YTHDC2: variants seen among roughly 807,000 people sequenced by gnomAD.
YTHDC2 encodes 3'-5' RNA helicase YTHDC2.
Under a neutral mutation model 174.9 loss-of-function variants are expected in YTHDC2, and 45 were observed. The ratio of observed to expected loss-of-function variants is 0.26; its 90% CI spans 0.20 to 0.33. The LOEUF is 0.33. YTHDC2 is among the 10% of genes least tolerant of loss of function. YTHDC2 has a pLI of 1.00. For missense variants in YTHDC2, 1,650 were observed against 1,723.7 expected (o/e 0.96, Z 0.76); for synonymous variants, 657 against 574.5 (o/e 1.14, Z -2.05).
chr5:113,564,125 A>G lies in YTHDC2; in HGVS notation c.2709A>G (p.Ala903=), dbSNP rs1165731270. ...GTGACCATATGGCACTTCTCAGAGC[A>G]TTCCAGGTACTATTACTGTCATTTT... The part of the protein sequence containing the change: ...AFSDHMALLR[A]FQAWQKARSD... Residue 903 remains alanine (A), a synonymous_variant, in exon 20 of 30, where the codon GCA becomes GCG. Coordinates refer to ENST00000161863, the MANE Select transcript of YTHDC2 (RefSeq NM_022828.5). 3.1e-6 allele frequency: 5 copies of G among 1,613,024 alleles called. No homozygotes were observed. The highest frequency in any genetic ancestry group is 3.4e-6 in the Non-Finnish European group (4 of 1,179,316).
intron 7 of YTHDC2, among the ~76,000 whole-genome samples, chr5:113,538,154 A>C (rs554055289): frequency 0.012 from 1,697 of 143,280 alleles, 18 homozygotes; most frequent in Middle Eastern, 0.029. Flanking sequence ...CTAGCTCTAG[A>C]ATTTGTCTGC....
At position 113,567,113 on chromosome 5, in the gene YTHDC2, G is replaced by T. The variant is rs777457524; in HGVS notation, c.2864G>T (p.Gly955Val). 1 of 1,613,734 alleles carries T rather than the reference G, an allele frequency of 6.2e-7. No individual in the cohort carries two copies. The highest frequency in any genetic ancestry group is 1.7e-5 in the Admixed American group (1 of 59,928). Reference protein sequence around the residue: ...RASGFVRARGGGDIRDVNTNS... With the variant: ...RASGFVRARGVGDIRDVNTNS... ...CTAGGTTTTGTTAGAGCACGAGGTG[G>T]TGGTGACATTCGGGACGTTAACACA... Residue 955 changes from glycine to valine, a missense_variant, in exon 22 of 30, where the codon GGT (glycine) becomes GTT (valine). Gly to Val is a moderately radical substitution (Grantham distance 109, BLOSUM62 -3). Transcript: ENST00000161863.
intron 23 of YTHDC2, among the ~76,000 whole-genome samples, chr5:113,573,816 G>A (rs932234923): frequency 2.0e-5 from 3 of 152,078 alleles, no homozygotes; most frequent in South Asian, 2.1e-4. Flanking sequence ...TTTCAGCTCC[G>A]TTAGGTCGGT....
intron 22 of YTHDC2, 97 bp downstream of exon 22, chr5:113,567,394 A>G: frequency 3.4e-6 from 2 of 592,208 alleles, no homozygotes; most frequent in African/African-American, 5.0e-5. Context: ...TGCTTTAAGA[A>G]ATTAATTAGT....
chr5:113,570,359 C>T (rs184686857), intron 23 of YTHDC2, among the ~76,000 whole-genome samples: 2 of 152,244 alleles, frequency 1.3e-5, no homozygotes, highest in African/African-American at 2.4e-5. Flanking sequence ...GCCTTGGCCT[C>T]CCAAAGTGCT....
intron 20 of YTHDC2, 171 bp from the exon 21 acceptor site, chr5:113,565,722 G>A (rs570839356): frequency 2.1e-5 from 13 of 608,366 alleles, no homozygotes; most frequent in East Asian, 1.4e-4. Flanking sequence ...TAGCATTTGA[G>A]TATAAATTAA....
intron 23 of YTHDC2, among the ~76,000 whole-genome samples, chr5:113,573,436 ATT>A (rs955183752): frequency 6.6e-6 from 1 of 151,508 alleles, no homozygotes; most frequent in African/African-American, 2.4e-5. Flanking sequence ...GAATCTGATG[ATT>A]TTTTTGTCTT....
rs776454793 is a variant in YTHDC2, at chr5:113,553,926, T to TA, written c.2053-14dup. On this transcript the variant is annotated splice_polypyrimidine_tract_variant and intron_variant, in intron 15 of 29. Coordinates refer to ENST00000161863, the MANE Select transcript of YTHDC2 (RefSeq NM_022828.5). ...TTCTGTTTTTTTATTAACTTTAAAG[T>TA]AATATCTTGTTGCAGATTCTTTCCA... is the stretch of plus-strand genomic sequence containing the variant. 401 of 1,582,578 alleles carry TA rather than the reference T, an allele frequency of 2.5e-4. No individual in the cohort carries two copies. Among genetic ancestry groups the TA allele is most frequent in the Non-Finnish European group, 3.3e-4 (384 of 1,169,528 alleles).
chr5:113,521,392 A>T (rs1192814973), intron 2 of YTHDC2, among the ~76,000 whole-genome samples: 1 of 152,218 alleles, frequency 6.6e-6, no homozygotes, highest in African/African-American at 2.4e-5. Flanking sequence ...TAGAACAGAA[A>T]TATTGGATAG....
At chr5:113,535,369 G>A (rs987953502) in intron 6 of YTHDC2, among the ~76,000 whole-genome samples, 1 of 151,766 alleles carries the variant, frequency 6.6e-6, no homozygotes, top group Admixed American at 6.6e-5. Flanking sequence ...TTTTAATCAG[G>A]GACTTGAGCA....
chr5:113,533,770 A>G (rs1432319322), intron 5 of YTHDC2, among the ~76,000 whole-genome samples: 2 of 152,204 alleles, frequency 1.3e-5, no homozygotes, highest in East Asian at 3.8e-4. Flanking sequence ...AAGATGCTAA[A>G]AAATCTAAAA....
At chr5:113,563,552 G>A in intron 19 of YTHDC2, 60 bp downstream of exon 19, 8 of 1,506,516 alleles carry the variant, frequency 5.3e-6, no homozygotes. Context: ...TAAACTAAAA[G>A]GAAATATGTC....
rs575358477 is a variant in YTHDC2 at position 113,551,484 on chromosome 5, C to T, written c.1689-1697C>T. 2.0e-5 allele frequency among the ~76,000 whole-genome samples: 3 copies of T among 152,060 alleles called. No homozygotes were observed. The East Asian group carries it at 5.8e-4, about 29-fold the overall frequency. On this transcript the variant is annotated intron_variant, in intron 12 of 29. Transcript: ENST00000161863. ...TTTAAACAGAATATAATGTCTTCTT[C>T]ATTTATGTGTTAAAAATTAAAAAAC...
intron 23 of YTHDC2, among the ~76,000 whole-genome samples, chr5:113,572,628 G>A (rs1471968247): frequency 6.6e-6 from 1 of 152,196 alleles, no homozygotes; most frequent in African/African-American, 2.4e-5. Context: ...CTAAGAACTT[G>A]TTTAATGAAT....
intron 17 of YTHDC2, among the ~76,000 whole-genome samples, chr5:113,560,436 A>G (rs927058992): frequency 1.3e-5 from 2 of 152,192 alleles, no homozygotes; most frequent in African/African-American, 4.8e-5. Context: ...GAGTTGATCA[A>G]TAATGTCAGA....
Position 113,563,468 on chromosome 5 carries a change from A to T in YTHDC2, c.2418A>T (p.Val806=). The T allele has an allele frequency of 6.2e-7, 1 of 1,609,772 alleles. No individual in the cohort carries two copies. Among genetic ancestry groups the T allele is most frequent in the South Asian group, 1.1e-5 (1 of 89,990 alleles). Residue 806 remains valine, a synonymous_variant, in exon 19 of 30, where the codon GTA becomes GTT. Coordinates refer to ENST00000161863, the MANE Select transcript of YTHDC2 (RefSeq NM_022828.5). ...KAPEPPPALI[V]RNAVQMLKTI... Reference sequence around the variant, plus strand: ...CTGAACCTCCACCAGCTTTAATTGTAAGAAATGCTGTACAAATGCTTAAGG... The same window carrying T: ...CTGAACCTCCACCAGCTTTAATTGTTAGAAATGCTGTACAAATGCTTAAGG...
intron 10 of YTHDC2, among the ~76,000 whole-genome samples, chr5:113,544,262 G>A (rs1775694441): frequency 6.6e-6 from 1 of 151,944 alleles, no homozygotes; most frequent in South Asian, 2.1e-4. Flanking sequence ...GATTCTTCTG[G>A]CTCAGCCTCC....
chr5:113,566,951 A>G, intron 21 of YTHDC2, 141 bp from the exon 22 acceptor site: 2 of 972,666 alleles, frequency 2.1e-6, no homozygotes, highest in Non-Finnish European at 3.0e-6. Context: ...TATTTTAAAC[A>G]ACTTTCCAGA....
intron 12 of YTHDC2, among the ~76,000 whole-genome samples, chr5:113,552,808 C>T (rs1416996546): frequency 1.3e-5 from 2 of 152,092 alleles, no homozygotes; most frequent in East Asian, 3.9e-4. Context: ...TTTCTCCACA[C>T]CCTCTCCAAC....
Sources: allele counts gnomAD v4.1 joint callset (sites outside exome capture counted in the v4.1 genomes callset), GRCh38; gene constraint gnomAD v4.1.1; transcripts MANE v1.5; gene names NCBI Gene and HGNC (gene_info 2026-07-23, HGNC 2026-07-21).